Variants in GALNTL5 observed in about 807,000 individuals in gnomAD.
GALNTL5 encodes polypeptide N-acetylgalactosaminyltransferase like 5.
GALNTL5 carries 44 observed loss-of-function variants against 51.0 expected under a neutral mutation model. That is an observed-to-expected ratio of 0.86 (90% CI 0.68 to 1.11). The LOEUF is 1.11. GALNTL5 is among the 50% of genes least tolerant of loss of function. The pLI is 0.00. For synonymous variants in GALNTL5, 192 were observed against 182.8 expected (o/e 1.05, Z -0.41); for missense variants, 528 against 531.8 (o/e 0.99, Z 0.07).
chr7:151,969,633 GC>G (rs1308282621), intron 2 of GALNTL5, among the ~76,000 whole-genome samples: 1 of 151,916 alleles, frequency 6.6e-6, no homozygotes, highest in Admixed American at 6.6e-5. Flanking sequence ...TTAGACAGGG[GC>G]TTCAAGTATG....
At chr7:152,017,510 G>A (rs1355784850) in intron 8 of GALNTL5, among the ~76,000 whole-genome samples, 6 of 152,220 alleles carry the variant, frequency 3.9e-5, no homozygotes. Context: ...AACTTATACT[G>A]TATTATTTCC....
At chr7:151,977,216 C>G (rs2151943707) in intron 3 of GALNTL5, among the ~76,000 whole-genome samples, 1 of 152,238 alleles carries the variant, frequency 6.6e-6, no homozygotes, top group South Asian at 2.1e-4. Flanking sequence ...CAAACACACA[C>G]TACATAGTAG....
At chr7:151,962,006 T>TC in intron 1 of GALNTL5, among the ~76,000 whole-genome samples, 1 of 146,538 alleles carries the variant, frequency 6.8e-6, no homozygotes, top group African/African-American at 2.5e-5. Flanking sequence ...GTTACCTTCT[T>TC]TTTTTTTTTT....
chr7:152,008,906 A>G (rs954011483), intron 7 of GALNTL5, among the ~76,000 whole-genome samples: 2 of 152,324 alleles, frequency 1.3e-5, no homozygotes, highest in East Asian at 1.9e-4. Context: ...ACCTCCTTTC[A>G]GGATCTAATA....
At chr7:151,965,050 G>T (rs967062999) in intron 1 of GALNTL5, among the ~76,000 whole-genome samples, 1 of 152,036 alleles carries the variant, frequency 6.6e-6, no homozygotes, top group Non-Finnish European at 1.5e-5. Context: ...CTTCTCCAAA[G>T]AAGAAACCAC....
chr7:151,981,686 T>C (rs1227088737), intron 3 of GALNTL5, among the ~76,000 whole-genome samples: 4 of 147,416 alleles, frequency 2.7e-5, no homozygotes, highest in Admixed American at 6.7e-5. Flanking sequence ...TCTTTCTTTT[T>C]TTTTTTTTTT....
Position 152,019,691 on chromosome 7 carries a change from G to T in GALNTL5, c.1222G>T (p.Gly408Ter). 2 of 1,613,696 alleles carry T rather than the reference G, an allele frequency of 1.2e-6. No homozygotes were observed. Among genetic ancestry groups the T allele is most frequent in the Non-Finnish European group, 1.7e-6 (2 of 1,179,724 alleles). The change falls in exon 9 of 9, where the codon GGA (glycine) becomes TGA (stop). Residue 408 changes from glycine to a stop codon, truncating the protein, a stop_gained. Transcript: ENST00000392800. LOFTEE classifies it high-confidence loss of function. ...GCCTGGTCTGAAATATGTCACCTAC[G>T]GAAATATTCGCGAGCGTGTTGAGTT... ...RKPGLKYVTY[G>*]NIRERVELRK...
At chr7:151,972,436 A>G (rs1481220208) in intron 3 of GALNTL5, among the ~76,000 whole-genome samples, 1 of 152,238 alleles carries the variant, frequency 6.6e-6, no homozygotes, top group Non-Finnish European at 1.5e-5. Context: ...AGAAATTTGC[A>G]TAAGTAATGA....
At chr7:151,976,179 A>T (rs1442454397) in intron 3 of GALNTL5, among the ~76,000 whole-genome samples, 1 of 152,178 alleles carries the variant, frequency 6.6e-6, no homozygotes, top group African/African-American at 2.4e-5. Flanking sequence ...GAAGTCCTCT[A>T]CTTTTATTTT....
chr7:151,995,679 G>T (rs941529489), intron 5 of GALNTL5, among the ~76,000 whole-genome samples: 1 of 151,018 alleles, frequency 6.6e-6, no homozygotes, highest in African/African-American at 2.4e-5. Flanking sequence ...ATTTTTTTTG[G>T]CATTATGTAC....
chr7:152,006,820 C>A (rs2081650497), intron 6 of GALNTL5, among the ~76,000 whole-genome samples: 1 of 152,032 alleles, frequency 6.6e-6, no homozygotes, highest in South Asian at 2.1e-4. Context: ...GTTGCCCAGG[C>A]TGGAGTGCAG....
intron 5 of GALNTL5, chr7:151,995,226 A>T (rs1483782493): frequency 1.3e-5 from 2 of 152,152 alleles, no homozygotes; most frequent in Admixed American, 6.5e-5. Context: ...ACCGCCTGAG[A>T]TGCAGGCAGA....
chr7:151,970,597 C>T (rs916130486), intron 2 of GALNTL5: 1 of 208,188 alleles, frequency 4.8e-6, no homozygotes, highest in South Asian at 6.9e-5. Context: ...TGCTCCCTCT[C>T]TCACCACGTG....
chr7:151,982,696 TTG>T, intron 3 of GALNTL5: 1 of 446,960 alleles, frequency 2.2e-6, no homozygotes, highest in South Asian at 2.2e-5. Context: ...TGAATATAAT[TTG>T]TGTTTATACT....
Position 152,007,899 on chromosome 7 carries a change from G to C in GALNTL5, c.981G>C (p.Lys327Asn). 1 of 1,611,682 alleles carries C rather than the reference G, an allele frequency of 6.2e-7. No individual in the cohort carries two copies. The change falls in exon 7 of 9, where the codon AAG (lysine) becomes AAC (asparagine). Residue 327 changes from lysine (K) to asparagine (N), a missense_variant. Physicochemically the swap from Lys to Asn is moderately conservative, Grantham distance 94. Transcript: ENST00000392800. ...TTAATGAAATTGGACAGTATGACAA[G>C]GATATGGATTTTTGGGGAAGAGAAA... is the stretch of plus-strand genomic sequence containing the variant. Reference protein sequence around the residue: ...HYFNEIGQYDKDMDFWGRENL... With the variant: ...HYFNEIGQYDNDMDFWGRENL...
At chr7:151,989,966 A>C (rs2081406948) in intron 5 of GALNTL5, among the ~76,000 whole-genome samples, 1 of 152,166 alleles carries the variant, frequency 6.6e-6, no homozygotes. Context: ...TATATTATGA[A>C]CACTGAGAAT....
At chr7:151,983,531 A>G (rs2081323437) in intron 4 of GALNTL5, among the ~76,000 whole-genome samples, 1 of 152,074 alleles carries the variant, frequency 6.6e-6, no homozygotes, top group Non-Finnish European at 1.5e-5. Flanking sequence ...AGTATTTTGT[A>G]CAAAAAAATC....
At chr7:152,019,148 C>A (rs987268726) in intron 8 of GALNTL5, among the ~76,000 whole-genome samples, 8 of 152,148 alleles carry the variant, frequency 5.3e-5, no homozygotes, top group Non-Finnish European at 1.0e-4. Context: ...ACTGTTCAAC[C>A]CTCACAAGCA....
intron 5 of GALNTL5, among the ~76,000 whole-genome samples, chr7:151,996,757 A>G (rs891997906): frequency 6.6e-6 from 1 of 151,856 alleles, no homozygotes; most frequent in Non-Finnish European, 1.5e-5. Flanking sequence ...TCACAAAACA[A>G]ATTAAAACAA....
Sources: allele counts gnomAD v4.1 joint callset (sites outside exome capture counted in the v4.1 genomes callset), GRCh38; gene constraint gnomAD v4.1.1; transcripts MANE v1.5; gene names NCBI Gene and HGNC (gene_info 2026-07-23, HGNC 2026-07-21).